The following PRKN variants were observed in gnomAD, a reference collection of about 807,000 sequenced individuals.
PRKN encodes E3 ubiquitin-protein ligase parkin.
In PRKN, 56 loss-of-function variants were observed where a neutral mutation model predicts 59.5. The ratio of observed to expected loss-of-function variants is 0.94; its 90% CI spans 0.76 to 1.18. PRKN has a LOEUF of 1.18. Among genes scored for constraint, PRKN ranks in the 50% most tolerant of loss-of-function variants. The pLI is 0.00. For missense variants in PRKN, 657 were observed against 596.4 expected (o/e 1.10, Z -1.06); for synonymous variants, 250 against 222.1 (o/e 1.13, Z -1.12).
At chr6:162,248,954 C>T (rs917471692) in intron 3 of PRKN, among the ~76,000 whole-genome samples, 1 of 151,916 alleles carries the variant, frequency 6.6e-6, no homozygotes, top group East Asian at 1.9e-4. Flanking sequence ...TCTCGGCTCA[C>T]TGCCACCTCC....
intron 6 of PRKN, among the ~76,000 whole-genome samples, chr6:161,943,462 A>AT (rs1779639632): frequency 6.6e-6 from 1 of 152,264 alleles, no homozygotes; most frequent in African/African-American, 2.4e-5. Context: ...ATATGTGGAT[A>AT]GTATGTATAT....
chr6:162,514,365 G>A (rs1178278188), intron 1 of PRKN, among the ~76,000 whole-genome samples: 3 of 151,976 alleles, frequency 2.0e-5, no homozygotes, highest in African/African-American at 7.3e-5. Flanking sequence ...AGGTCACGTA[G>A]GGCAGTTGTG....
intron 9 of PRKN, among the ~76,000 whole-genome samples, chr6:161,537,203 A>C (rs1403760383): frequency 1.3e-5 from 2 of 152,220 alleles, no homozygotes; most frequent in Admixed American, 6.5e-5. Context: ...TTACATGTAA[A>C]ACCATTTAAA....
chr6:161,684,184 T>C (rs2128173351), intron 7 of PRKN, among the ~76,000 whole-genome samples: 1 of 152,314 alleles, frequency 6.6e-6, no homozygotes, highest in East Asian at 1.9e-4. Context: ...TCATGTCTGC[T>C]TGGAGAAAAC....
At chr6:162,449,834 A>G (rs975947695) in intron 1 of PRKN, among the ~76,000 whole-genome samples, 1 of 152,202 alleles carries the variant, frequency 6.6e-6, no homozygotes, top group African/African-American at 2.4e-5. Context: ...GGACTTCACT[A>G]AAGAAAGCAG....
At chr6:161,946,451 C>CTCTCTCTCTCTCTCTCTCTCTCT (rs1554253070) in intron 6 of PRKN, among the ~76,000 whole-genome samples, 7 of 136,556 alleles carry the variant, frequency 5.1e-5, no homozygotes, top group African/African-American at 1.9e-4. Context: ...CTCTCTCTCT[C>CTCTCTCTCTCTCTCTCTCTCTCT]AATACAAAAG....
At chr6:161,902,688 G>A (rs1583322695) in intron 6 of PRKN, among the ~76,000 whole-genome samples, 1 of 151,526 alleles carries the variant, frequency 6.6e-6, no homozygotes, top group South Asian at 2.1e-4. Context: ...AGCCTCCCAA[G>A]TAGCTGGGAT....
At chr6:162,622,871 T>C (rs1782732731) in intron 1 of PRKN, among the ~76,000 whole-genome samples, 1 of 152,132 alleles carries the variant, frequency 6.6e-6, no homozygotes, top group Non-Finnish European at 1.5e-5. Flanking sequence ...TGAAATGCTT[T>C]ATGAACCTCC....
intron 2 of PRKN, chr6:162,270,650 G>C (rs913830099): frequency 6.6e-6 from 1 of 152,148 alleles, no homozygotes; most frequent in Non-Finnish European, 1.5e-5. Flanking sequence ...AATCAGCCAA[G>C]AATGATCAGA....
chr6:161,980,788 G>A (rs1781231539), intron 5 of PRKN, among the ~76,000 whole-genome samples: 1 of 152,100 alleles, frequency 6.6e-6, no homozygotes, highest in Non-Finnish European at 1.5e-5. Context: ...AGGTGGCTTG[G>A]GTCTGAAAGC....
rs186309333 is a variant in PRKN, at chr6:161,467,347, C to T, written c.1084-80470G>A. Reference sequence around the variant, plus strand: ...GAATTTGATATAGACACATATAATACGAACACGATTCTAGCCCTATGGAGT... The same window carrying T: ...GAATTTGATATAGACACATATAATATGAACACGATTCTAGCCCTATGGAGT... On this transcript the variant is annotated intron_variant, in intron 9 of 11. Coordinates refer to ENST00000366898, the MANE Select transcript of PRKN (RefSeq NM_004562.3). This position sits in a 1 kb window ranked among gnomAD's most constrained non-coding sequence, Gnocchi z 4.3. Among the ~76,000 whole-genome samples the T allele has an allele frequency of 1.2e-4, 18 of 152,096 alleles. No individual in the cohort carries two copies. Among genetic ancestry groups the T allele is most frequent in the Non-Finnish European group, 1.9e-4 (13 of 68,030 alleles).
intron 4 of PRKN, among the ~76,000 whole-genome samples, chr6:162,055,345 A>G (rs1582963871): frequency 6.6e-6 from 1 of 152,178 alleles, no homozygotes; most frequent in African/African-American, 2.4e-5. Flanking sequence ...TTCAATTTCA[A>G]CCTAAAATTC....
chr6:161,507,555 C>T (rs1778219907), intron 9 of PRKN, among the ~76,000 whole-genome samples: 1 of 152,154 alleles, frequency 6.6e-6, no homozygotes, highest in African/African-American at 2.4e-5. Context: ...AAGTTCCAGA[C>T]AGCTGCTGGG....
chr6:162,518,553 G>C (rs1777960433), intron 1 of PRKN, among the ~76,000 whole-genome samples: 1 of 152,050 alleles, frequency 6.6e-6, no homozygotes, highest in Admixed American at 6.6e-5. Context: ...TTGTAGTAGA[G>C]ACAGGGTTTT....
Position 162,262,598 on chromosome 6 carries a change from T to C in PRKN, c.339A>G (p.Pro113=). The change falls in exon 3 of 12, where the codon CCA becomes CCG. Residue 113 remains proline (P), a synonymous_variant. Transcript: ENST00000366898. ...TGACAGCCAGCCCCACAGAGTCTCC[T>C]GGGAGGACTGAGCTGCTGAGGTCCA... ...TRVDLSSSVL[P]GDSVGLAVIL... 1 of 1,613,182 alleles carries C rather than the reference T, an allele frequency of 6.2e-7. No individual in the cohort carries two copies. Among genetic ancestry groups the C allele is most frequent in the Non-Finnish European group, 8.5e-7 (1 of 1,179,210 alleles).
intron 1 of PRKN, among the ~76,000 whole-genome samples, chr6:162,625,059 T>C (rs1782829801): frequency 6.6e-6 from 1 of 152,244 alleles, no homozygotes; most frequent in Non-Finnish European, 1.5e-5. Context: ...GTGACTTGCT[T>C]TGGCCAATGA....
In PRKN at chr6:161,409,884, C is replaced by T. The variant is rs1300274936; in HGVS notation, c.1084-23007G>A. 5.9e-5 allele frequency among the ~76,000 whole-genome samples: 9 copies of T among 152,150 alleles called. No homozygotes were observed. The highest frequency in any genetic ancestry group is 2.2e-4 in the African/African-American group (9 of 41,428). On this transcript the variant is annotated intron_variant, in intron 9 of 11. Coordinates refer to ENST00000366898, the MANE Select transcript of PRKN (RefSeq NM_004562.3). The surrounding 1 kb of genome is among the most constrained non-coding windows in gnomAD (Gnocchi z 4.6). ...TCTATATAAATCTGAGTAGCAGATCCATTCTCATAAAGTTTACCCTGTCTT... is the reference window on the plus strand; with the variant it reads ...TCTATATAAATCTGAGTAGCAGATCTATTCTCATAAAGTTTACCCTGTCTT...
intron 7 of PRKN, among the ~76,000 whole-genome samples, chr6:161,748,954 A>G (rs932750091): frequency 6.6e-6 from 1 of 152,222 alleles, no homozygotes; most frequent in African/African-American, 2.4e-5. Context: ...AAGACCAGAC[A>G]AAGCGAAACA....
intron 9 of PRKN, among the ~76,000 whole-genome samples, chr6:161,495,360 T>A (rs977754383): frequency 5.9e-5 from 9 of 152,178 alleles, no homozygotes; most frequent in Non-Finnish European, 1.3e-4. Flanking sequence ...CTGATGTGTA[T>A]CTTCTCCTCC....
Sources: gnomAD v4.1 joint callset for allele counts (sites outside exome capture counted in the v4.1 genomes callset) on GRCh38, gnomAD v4.1.1 for gene constraint, Gnocchi (gnomAD v3.1) non-coding constraint, MANE v1.5 for transcripts, NCBI Gene and HGNC (gene_info 2026-07-23, HGNC 2026-07-21) for gene names.